The following SDK1 variants were observed in gnomAD, a reference collection of about 807,000 sequenced individuals.
SDK1 encodes the protein sidekick cell adhesion molecule 1.
SDK1 carries 157 observed loss-of-function variants against 245.5 expected under a neutral mutation model. The ratio of observed to expected loss-of-function variants is 0.64; its 90% CI spans 0.56 to 0.73. The LOEUF (loss-of-function observed/expected upper bound fraction) is 0.73. Among genes scored for constraint, SDK1 ranks in the 30% least tolerant of loss-of-function variants. The pLI is 0.00. For synonymous variants in SDK1, 1,647 were observed against 1,278.5 expected (o/e 1.29, Z -6.15); for missense variants, 3,583 against 3,002.3 (o/e 1.19, Z -4.52).
At chr7:4,130,155 A>G (rs1343876527) in intron 27 of SDK1, 58 bp downstream of exon 27, 3 of 1,464,182 alleles carry the variant, frequency 2.0e-6, no homozygotes, top group Non-Finnish European at 2.8e-6. Flanking sequence ...GGCCTTTCCA[A>G]TGCAAACAAT....
intron 13 of SDK1, 179 bp downstream of exon 13, chr7:3,974,724 C>A (rs7786879): frequency 0.36 from 198,506 of 557,636 alleles, 39,991 homozygotes; most frequent in African/African-American, 0.71. Flanking sequence ...TGGTTTCTTT[C>A]AACTTCGGAA....
Position 3,935,534 on chromosome 7 carries a change from G to GA in SDK1, c.848-15383dup, listed in dbSNP as rs1232139410. On this transcript the variant is annotated intron_variant, in intron 5 of 44. Coordinates refer to ENST00000404826, the MANE Select transcript of SDK1 (RefSeq NM_152744.4). ...ACAGAATTCCTACAACTCAACAACA[G>GA]AAAAAATAAGCTGATTTAAAAATGG... Among the ~76,000 whole-genome samples the GA allele has an allele frequency of 4.6e-5, 7 of 152,056 alleles. No homozygotes were observed. In the East Asian group the frequency reaches 1.2e-3, roughly 25 times the overall value.
intron 22 of SDK1, among the ~76,000 whole-genome samples, chr7:4,091,289 A>G (rs1349402985): frequency 6.8e-6 from 1 of 146,562 alleles, no homozygotes; most frequent in Non-Finnish European, 1.5e-5. Context: ...TCTCACAGTG[A>G]GTGCTGGCTT....
At chr7:3,546,669 C>G (rs1779235508) in intron 1 of SDK1, among the ~76,000 whole-genome samples, 1 of 152,194 alleles carries the variant, frequency 6.6e-6, no homozygotes, top group Non-Finnish European at 1.5e-5. Flanking sequence ...GGACGTCTCC[C>G]AAACTGTACT....
At chr7:3,319,023 A>T (rs1779729926) in intron 1 of SDK1, among the ~76,000 whole-genome samples, 1 of 151,882 alleles carries the variant, frequency 6.6e-6, no homozygotes, top group South Asian at 2.1e-4. Flanking sequence ...CTGAGGAAGG[A>T]CATTCATGAG....
rs114886561 is a variant in SDK1, at chr7:3,740,403, C to T, written c.714-81047C>T. Among the ~76,000 whole-genome samples the T allele has an allele frequency of 3.8e-3, 580 of 152,204 alleles. 4 individuals carry two copies. The highest frequency in any genetic ancestry group is 0.014 in the African/African-American group (562 of 41,534). On this transcript the variant is annotated intron_variant, in intron 4 of 44. Coordinates refer to ENST00000404826, the MANE Select transcript of SDK1 (RefSeq NM_152744.4). ...GGTTTTTGGTCTGTTGCTTGTTAGC[C>T]CCAGTTCATATTGCTGCCTCAGGGA...
At chr7:3,403,959 T>C (rs1394304075) in intron 1 of SDK1, among the ~76,000 whole-genome samples, 1 of 148,574 alleles carries the variant, frequency 6.7e-6, no homozygotes. Context: ...TCCAGACCAT[T>C]GCAATAAAGT....
chr7:3,943,541 C>T (rs1209048442), intron 5 of SDK1, among the ~76,000 whole-genome samples: 3 of 150,482 alleles, frequency 2.0e-5, no homozygotes, highest in Non-Finnish European at 3.0e-5. Context: ...CACCCCACCC[C>T]TGCCTCCTGG....
chr7:3,824,935 C>T (rs1318501764), intron 5 of SDK1, among the ~76,000 whole-genome samples: 1 of 152,054 alleles, frequency 6.6e-6, no homozygotes, highest in African/African-American at 2.4e-5. Context: ...TGTTCTGAAC[C>T]GATATTCCTG....
intron 44 of SDK1, among the ~76,000 whole-genome samples, chr7:4,258,752 T>G (rs1054293601): frequency 2.6e-5 from 4 of 152,164 alleles, no homozygotes; most frequent in Non-Finnish European, 4.4e-5. Flanking sequence ...GTAGGGAAGT[T>G]GAATGGGGAA....
At chr7:4,140,298 C>T (rs1276956724) in intron 28 of SDK1, among the ~76,000 whole-genome samples, 2 of 152,290 alleles carry the variant, frequency 1.3e-5, no homozygotes, top group African/African-American at 4.8e-5. Context: ...ATGTTACTCC[C>T]CAAGGCTCTT....
At chr7:3,372,043 G>A (rs780819566) in intron 1 of SDK1, among the ~76,000 whole-genome samples, 13 of 152,208 alleles carry the variant, frequency 8.5e-5, no homozygotes, top group Non-Finnish European at 1.3e-4. Context: ...CATCAGCTAC[G>A]TTGTTAACAT....
In SDK1 at chr7:3,400,039, C is replaced by G. The variant is rs117037940; in HGVS notation, c.298+98155C>G. ...ATAATGCCTTGTGAATGGGGCTTCC[C>G]TGAGAGCTGTGAAGCAGGTCAGACA... On this transcript the variant is annotated intron_variant, in intron 1 of 44. Transcript: ENST00000404826. Among the ~76,000 whole-genome samples the G allele has an allele frequency of 9.0e-3, 1,376 of 152,170 alleles. 20 individuals carry two copies. The highest frequency in any genetic ancestry group is 0.018 in the African/African-American group (752 of 41,524).
intron 1 of SDK1, among the ~76,000 whole-genome samples, chr7:3,358,727 G>T (rs1404779429): frequency 1.3e-5 from 2 of 152,194 alleles, no homozygotes; most frequent in African/African-American, 4.8e-5. Flanking sequence ...TCATCCCCTG[G>T]AAGACTTAAT....
chr7:3,851,373 TAATA>T (rs1780416010), intron 5 of SDK1, among the ~76,000 whole-genome samples: 1 of 152,138 alleles, frequency 6.6e-6, no homozygotes, highest in South Asian at 2.1e-4. Flanking sequence ...TTTATGTTAA[TAATA>T]TAAGTATTTA....
intron 2 of SDK1, among the ~76,000 whole-genome samples, chr7:3,629,016 A>G (rs1782203595): frequency 6.6e-6 from 1 of 152,004 alleles, no homozygotes; most frequent in Admixed American, 6.6e-5. Flanking sequence ...CTACAGGCCA[A>G]GCGCAGTGGC....
At chr7:3,305,646 A>G (rs1368351045) in intron 1 of SDK1, among the ~76,000 whole-genome samples, 1 of 152,138 alleles carries the variant, frequency 6.6e-6, no homozygotes, top group African/African-American at 2.4e-5. Flanking sequence ...AGACTCCCTT[A>G]CTTGAATATC....
chr7:3,791,413 A>G (rs1003560373), intron 4 of SDK1, among the ~76,000 whole-genome samples: 1 of 152,208 alleles, frequency 6.6e-6, no homozygotes, highest in African/African-American at 2.4e-5. Context: ...CCAGCTCATC[A>G]TGGTGTGAGC....
intron 30 of SDK1, among the ~76,000 whole-genome samples, chr7:4,158,177 C>G (rs772967391): frequency 3.9e-5 from 6 of 152,226 alleles, no homozygotes; most frequent in Admixed American, 3.3e-4. Flanking sequence ...CAGCTCCTTT[C>G]TCCCTGAGGA....
Sources: gnomAD v4.1 joint callset for allele counts (sites outside exome capture counted in the v4.1 genomes callset) on GRCh38, gnomAD v4.1.1 for gene constraint, MANE v1.5 for transcripts, NCBI Gene and HGNC (gene_info 2026-07-23, HGNC 2026-07-21) for gene names.